FLNC: variants seen among roughly 807,000 people sequenced by gnomAD.
FLNC encodes filamin-C.
FLNC carries 91 observed loss-of-function variants against 254.3 expected under a neutral mutation model. The observed-to-expected ratio is 0.36, with a 90% CI of 0.30 to 0.43. The LOEUF (loss-of-function observed/expected upper bound fraction) is 0.43. FLNC is among the 20% of genes least tolerant of loss of function. FLNC has a pLI of 1.00. For synonymous variants in FLNC, 1,430 were observed against 1,577.2 expected, an observed-to-expected ratio of 0.91 and a Z score of 2.21; for missense variants, 2,853 against 3,802.6, an observed-to-expected ratio of 0.75 and a Z score of 6.57.
At chr7:128,854,389 C>T in intron 40 of FLNC, 24 bp from the exon 41 acceptor site, 2 of 1,605,840 alleles carry the variant, frequency 1.2e-6, no homozygotes, top group Non-Finnish European at 1.7e-6. Context: ...CCAGTGTTGC[C>T]CTGACATCCC....
At position 128,859,173 on chromosome 7, in the gene FLNC, C is replaced by T. The variant is rs1285728493; in HGVS notation, c.*650C>T. 6.5e-6 allele frequency: 1 copy of T among 153,666 alleles called. No homozygotes were observed. The highest frequency in any genetic ancestry group is 1.5e-5 in the Non-Finnish European group (1 of 68,846). 9.5% of individuals were successfully genotyped at this position (153,666 alleles called of 1,614,324 possible). ...TGCCCCATGGGGGGCCTTTTTTACA[C>T]ACTGCGAGGCCCAGCTTTCTAGGGG... On this transcript the variant is annotated 3_prime_UTR_variant, in exon 48 of 48. Transcript: ENST00000325888.
In FLNC at chr7:128,842,386, C is replaced by G. The variant is rs2291566; in HGVS notation, c.2265+12C>G. On this transcript the variant is annotated intron_variant, in intron 14 of 47. Coordinates refer to ENST00000325888, the MANE Select transcript of FLNC (RefSeq NM_001458.5). The surrounding 1 kb of genome is among the most constrained non-coding windows in gnomAD (Gnocchi z 5.4). The stretch of plus-strand genomic sequence containing the variant: ...AGAGCCCCTTCCGGGTGCGTCCTCC[C>G]GGCCTGCCCCGTGCCCACCACCAGG... 0.086 allele frequency: 139,474 copies of G among 1,613,054 alleles called. 12,991 individuals are homozygous for G. Among genetic ancestry groups the G allele is most frequent in the African/African-American group, 0.4 (30,328 of 74,962 alleles).
At position 128,838,249 on chromosome 7, in the gene FLNC, T is replaced by A. The variant is rs1037757853; in HGVS notation, c.1048-18T>A. On this transcript the variant is annotated intron_variant, in intron 6 of 47. Transcript: ENST00000325888. Reference sequence around the variant, plus strand: ...ACTGCTCTCCCCTAGAAGCTAACCTTTGACCTCTGACCCCTAGGTGACCGT... The same window carrying A: ...ACTGCTCTCCCCTAGAAGCTAACCTATGACCTCTGACCCCTAGGTGACCGT... The A allele has an allele frequency of 1.9e-6, 3 of 1,613,380 alleles. No individual in the cohort carries two copies. Among genetic ancestry groups the A allele is most frequent in the Non-Finnish European group, 2.5e-6 (3 of 1,179,502 alleles).
chr7:128,837,412 G>A lies in FLNC; in HGVS notation c.714G>A (p.Glu238=), dbSNP rs1249772444. Residue 238 remains glutamate, a synonymous_variant, in exon 4 of 48, where the codon GAG becomes GAA. Transcript: ENST00000325888. ...WLGVPQVIAP[E]EIVDPNVDEH... is the part of the protein sequence containing the mutation. ...TTCCATCGCAGGTCATTGCCCCTGAGGAGATTGTGGACCCCAACGTGGATG... is the reference window on the plus strand; with the variant it reads ...TTCCATCGCAGGTCATTGCCCCTGAAGAGATTGTGGACCCCAACGTGGATG... The A allele has an allele frequency of 2.5e-6, 4 of 1,614,132 alleles. No homozygotes were observed. The Admixed American group carries it at 6.7e-5, about 27-fold the overall frequency.
In FLNC at chr7:128,838,716, C is replaced by T; in HGVS notation, c.1324C>T (p.Pro442Ser). 1.2e-6 allele frequency: 2 copies of T among 1,613,064 alleles called. No individual in the cohort carries two copies. Among genetic ancestry groups the T allele is most frequent in the Non-Finnish European group, 1.7e-6 (2 of 1,179,996 alleles). ...CAGCACGTTCCGCTGCACATACAGACCTGCCATGGAGGGGCCACATACCGT... is the reference window on the plus strand; with the variant it reads ...CAGCACGTTCCGCTGCACATACAGATCTGCCATGGAGGGGCCACATACCGT... ...GDSTFRCTYR[P>S]AMEGPHTVHV... The change falls in exon 8 of 48, where the codon CCT becomes TCT. Residue 442 changes from proline to serine, a missense_variant. This residue lies in a region of FLNC where 1,573 missense variants were observed against 1,883.5 expected (regional missense o/e 0.84). Transcript: ENST00000325888.
At chr7:128,833,866 G>C (rs1807989102) in intron 1 of FLNC, among the ~76,000 whole-genome samples, 1 of 151,732 alleles carries the variant, frequency 6.6e-6, no homozygotes, top group South Asian at 2.1e-4. Flanking sequence ...GGAGCCAGGG[G>C]AAGGGGGTGG....
chr7:128,838,473 T>C, intron 7 of FLNC, 44 bp downstream of exon 7: 2 of 1,343,086 alleles, frequency 1.5e-6, no homozygotes, highest in Non-Finnish European at 2.0e-6. Context: ...CCCCTGACCA[T>C]GTGGGGCTGT....
Position 128,833,222 on chromosome 7 carries a change from A to G in FLNC, c.353-2104A>G, listed in dbSNP as rs371293468. On this transcript the variant is annotated intron_variant, in intron 1 of 47. Coordinates refer to ENST00000325888, the MANE Select transcript of FLNC (RefSeq NM_001458.5). ...GTCTCGCAGCTGTTCCCCAGTTGCTATTCCTTCTCCTGGAGCCAACAACCA... is the reference window on the plus strand; with the variant it reads ...GTCTCGCAGCTGTTCCCCAGTTGCTGTTCCTTCTCCTGGAGCCAACAACCA... Among the ~76,000 whole-genome samples the G allele has an allele frequency of 3.4e-5, 5 of 145,940 alleles. No homozygotes were observed. In the South Asian group the frequency reaches 7.1e-4, roughly 21 times the overall value.
In FLNC at chr7:128,855,251, C is replaced by A; in HGVS notation, c.7188C>A (p.Pro2396=). 1 of 1,614,020 alleles carries A rather than the reference C, an allele frequency of 6.2e-7. No individual in the cohort carries two copies. The highest frequency in any genetic ancestry group is 8.5e-7 in the Non-Finnish European group (1 of 1,179,958). Residue 2396 remains proline (P), a synonymous_variant, in exon 43 of 48, where the codon CCC becomes CCA. Coordinates refer to ENST00000325888, the MANE Select transcript of FLNC (RefSeq NM_001458.5). ...ATGATGAGCACATCCCAGACAGCCCCTTTGTGGTGCCTGTGGCCTCCCTCT... is the reference window on the plus strand; with the variant it reads ...ATGATGAGCACATCCCAGACAGCCCATTTGTGGTGCCTGTGGCCTCCCTCT... The part of the protein sequence containing the change: ...KFNDEHIPDS[P]FVVPVASLSD...
In FLNC at chr7:128,858,152, G is replaced by C; in HGVS notation, c.7925G>C (p.Gly2642Ala). The C allele has an allele frequency of 6.2e-7, 1 of 1,609,652 alleles. No individual in the cohort carries two copies. The highest frequency in any genetic ancestry group is 1.1e-5 in the South Asian group (1 of 90,944). ...GATGCCAGCAAGGTGGTGACTCGGG[G>C]CCCTGGGCTGTCCCAGGCCTTCGTG... ...SSDASKVVTR[G>A]PGLSQAFVGQ... Residue 2642 changes from glycine (G) to alanine (A), a missense_variant, in exon 47 of 48, where the codon GGC (glycine) becomes GCC (alanine). By Grantham distance (60) the Gly-to-Ala change is moderately conservative. Transcript: ENST00000325888. This position sits in a 1 kb window ranked among gnomAD's most constrained non-coding sequence, Gnocchi z 6.7.
Position 128,830,553 on chromosome 7 carries a change from G to A in FLNC, c.-85G>A, listed in dbSNP as rs1807842318. On this transcript the variant is annotated 5_prime_UTR_variant, in exon 1 of 48. In the 5' UTR this introduces an upstream ATG that the reference lacks. Coordinates refer to ENST00000325888, the MANE Select transcript of FLNC (RefSeq NM_001458.5). ...AGAGCAGCGCAGCGCAGCGAGTCCC[G>A]TGGTCGCGCCCCAACAGCGCCCGAC... The A allele has an allele frequency of 8.8e-7, 1 of 1,137,594 alleles. No individual in the cohort carries two copies. The highest frequency in any genetic ancestry group is 1.3e-6 in the Non-Finnish European group (1 of 770,618). The allele number at this position is 1,137,594 out of a possible 1,614,324, so 70.5% of individuals were successfully genotyped here.
intron 9 of FLNC, 87 bp from the exon 10 acceptor site, chr7:128,840,461 T>C (rs893208920): frequency 3.5e-5 from 56 of 1,590,282 alleles, no homozygotes; most frequent in Non-Finnish European, 4.6e-5. Context: ...TGGGTCGGGG[T>C]CCCAATGGCT....
intron 17 of FLNC, 33 bp downstream of exon 17, chr7:128,843,352 G>A (rs765969637): frequency 5.6e-6 from 9 of 1,610,400 alleles, no homozygotes; most frequent in Non-Finnish European, 5.9e-6. Flanking sequence ...GGACTGGCTC[G>A]AGGTTGGGGT....
In FLNC at chr7:128,841,454, G is replaced by T; in HGVS notation, c.2008G>T (p.Val670Leu). The change falls in exon 13 of 48, where the codon GTG (valine) becomes TTG (leucine). Residue 670 changes from valine (V) to leucine (L), a missense_variant and splice_region_variant. By Grantham distance (32) the Val-to-Leu change is conservative. Coordinates refer to ENST00000325888, the MANE Select transcript of FLNC (RefSeq NM_001458.5). The surrounding 1 kb of genome is among the most constrained non-coding windows in gnomAD (Gnocchi z 4.3). Reference sequence around the variant, plus strand: ...ACTCAGCCTTCTTCCCTCCGCACAGGTGAAGGCCTTTGGGCCTGGCCTGGA... The same window carrying T: ...ACTCAGCCTTCTTCCCTCCGCACAGTTGAAGGCCTTTGGGCCTGGCCTGGA... ...PAPPDCFPDKVKAFGPGLEPT... is the reference protein window; with the variant it reads ...PAPPDCFPDKLKAFGPGLEPT... The T allele has an allele frequency of 1.2e-6, 2 of 1,613,898 alleles. No individual in the cohort carries two copies. The highest frequency in any genetic ancestry group is 1.7e-6 in the Non-Finnish European group (2 of 1,179,812).
At chr7:128,844,586 T>G in intron 20 of FLNC, 72 bp from the exon 21 acceptor site, 5 of 1,359,250 alleles carry the variant, frequency 3.7e-6, no homozygotes, top group Non-Finnish European at 5.2e-6. Flanking sequence ...AGGTGATGAG[T>G]TGGGTGGGGG....
intron 20 of FLNC, 44 bp downstream of exon 20, chr7:128,844,310 T>C (rs1292313248): frequency 2.6e-6 from 4 of 1,568,276 alleles, no homozygotes; most frequent in Non-Finnish European, 3.5e-6. Context: ...TGGGGACTTG[T>C]TGGGAAGATA....
chr7:128,854,364 G>T, intron 40 of FLNC, 49 bp from the exon 41 acceptor site: 1 of 1,598,308 alleles, frequency 6.3e-7, no homozygotes, highest in South Asian at 1.1e-5. Flanking sequence ...GGAAGGGCCA[G>T]GGCTAGGAGG....
intron 43 of FLNC, 99 bp downstream of exon 43, chr7:128,855,413 T>G: frequency 1.2e-6 from 1 of 812,558 alleles, no homozygotes; most frequent in Non-Finnish European, 2.1e-6. Flanking sequence ...AGCAGTGACC[T>G]TGGAAGGGCC....
chr7:128,844,510 C>G (rs75234599), intron 20 of FLNC, 148 bp from the exon 21 acceptor site: 8 of 919,840 alleles, frequency 8.7e-6, no homozygotes, highest in African/African-American at 1.6e-5. Flanking sequence ...TGCTTCATCT[C>G]GCTGCCTCAA....
Sources: gnomAD v4.1 joint callset for allele counts (sites outside exome capture counted in the v4.1 genomes callset) on GRCh38, gnomAD v4.1.1 for gene constraint, gnomAD v4.1.1 regional missense constraint, Gnocchi (gnomAD v3.1) non-coding constraint, MANE v1.5 for transcripts, NCBI Gene and HGNC (gene_info 2026-07-23, HGNC 2026-07-21) for gene names.